Variants in TMEM132C observed in about 807,000 individuals in gnomAD.
TMEM132C encodes the protein protein phosphatase 1, regulatory subunit 152.
A neutral mutation model predicts 61.4 loss-of-function variants in TMEM132C; 29 were observed. The ratio of observed to expected loss-of-function variants is 0.47; its 90% CI spans 0.35 to 0.64. The LOEUF is 0.64. Ranked by LOEUF, TMEM132C falls within the 30% of genes least tolerant of loss-of-function variation. The probability of loss-of-function intolerance (pLI) is 0.00; values close to 1 mark genes in which losing one functional copy is unlikely to be tolerated. For synonymous variants in TMEM132C, 656 were observed against 633.1 expected, an observed-to-expected ratio of 1.04 and a Z score of -0.54; for missense variants, 1,408 against 1,476.9, an observed-to-expected ratio of 0.95 and a Z score of 0.76.
intron 3 of TMEM132C, among the ~76,000 whole-genome samples, chr12:128,583,471 T>C (rs571688188): frequency 1.3e-5 from 2 of 152,198 alleles, no homozygotes; most frequent in African/African-American, 4.8e-5. Context: ...GGAAAAGAGT[T>C]CTCCGCCTAC....
chr12:128,375,369 G>C (rs1181473620), intron 1 of TMEM132C, among the ~76,000 whole-genome samples: 1 of 152,130 alleles, frequency 6.6e-6, no homozygotes, highest in Non-Finnish European at 1.5e-5. Flanking sequence ...CTGAAATCCA[G>C]GTGTTGGCAG....
intron 3 of TMEM132C, among the ~76,000 whole-genome samples, chr12:128,602,556 C>G (rs966894016): frequency 6.6e-6 from 1 of 152,212 alleles, no homozygotes; most frequent in Non-Finnish European, 1.5e-5. Flanking sequence ...CAGGGGTGTA[C>G]GATTCCATCG....
chr12:128,559,262 G>A (rs1384361486), intron 3 of TMEM132C, among the ~76,000 whole-genome samples: 1 of 151,858 alleles, frequency 6.6e-6, no homozygotes, highest in African/African-American at 2.4e-5. Flanking sequence ...TTTTTTCCAT[G>A]TTAGTACATA....
chr12:128,353,394 C>T (rs1372689705), intron 1 of TMEM132C, among the ~76,000 whole-genome samples: 1 of 152,146 alleles, frequency 6.6e-6, no homozygotes, highest in Admixed American at 6.5e-5. Flanking sequence ...GGTGCTAACG[C>T]TGCGATCTGA....
chr12:128,405,407 T>C (rs1875307312), intron 1 of TMEM132C, among the ~76,000 whole-genome samples: 1 of 152,204 alleles, frequency 6.6e-6, no homozygotes, highest in African/African-American at 2.4e-5. Flanking sequence ...TGGGCACCTC[T>C]GTGGTTGGCT....
intron 1 of TMEM132C, among the ~76,000 whole-genome samples, chr12:128,307,267 G>T (rs1378625329): frequency 6.6e-6 from 1 of 152,174 alleles, no homozygotes; most frequent in African/African-American, 2.4e-5. Flanking sequence ...TGTCCCCAAA[G>T]TGGGGTGTTA....
chr12:128,520,171 A>G (rs993923700), intron 2 of TMEM132C, among the ~76,000 whole-genome samples: 4 of 152,190 alleles, frequency 2.6e-5, no homozygotes, highest in Admixed American at 1.3e-4. Context: ...TGCTCTCAGA[A>G]GCACAGATGT....
At position 128,488,526 on chromosome 12, in the gene TMEM132C, T is replaced by C. The variant is rs570861728; in HGVS notation, c.975-55431T>C. The stretch of plus-strand genomic sequence containing the variant: ...AAATACAGAAATTAGCCGGACATGG[T>C]GGTGCATGTCTGTAATCCCAGCTAC... On this transcript the variant is annotated intron_variant, in intron 2 of 8. Coordinates refer to ENST00000435159, the MANE Select transcript of TMEM132C (RefSeq NM_001136103.3). Among the ~76,000 whole-genome samples, 24 of 152,048 alleles carry C rather than the reference T, an allele frequency of 1.6e-4. No homozygotes were observed. The South Asian group carries it at 5.0e-3, about 32-fold the overall frequency.
intron 3 of TMEM132C, among the ~76,000 whole-genome samples, chr12:128,590,945 T>C (rs1297471327): frequency 6.6e-6 from 1 of 151,962 alleles, no homozygotes; most frequent in Non-Finnish European, 1.5e-5. Flanking sequence ...CCCAGCTAGT[T>C]TTTATAATTT....
intron 2 of TMEM132C, among the ~76,000 whole-genome samples, chr12:128,502,784 G>A (rs1383082001): frequency 3.9e-5 from 6 of 152,186 alleles, no homozygotes; most frequent in African/African-American, 4.8e-5. Context: ...GACTCTAATG[G>A]CCCCAATGGA....
chr12:128,356,870 A>C (rs1285425511), intron 1 of TMEM132C, among the ~76,000 whole-genome samples: 1 of 152,218 alleles, frequency 6.6e-6, no homozygotes, highest in East Asian at 1.9e-4. Context: ...TTCCCACTAA[A>C]AATGTGCTTA....
At chr12:128,547,030 G>A (rs1325010652) in intron 3 of TMEM132C, among the ~76,000 whole-genome samples, 12 of 152,144 alleles carry the variant, frequency 7.9e-5, no homozygotes, top group Non-Finnish European at 4.4e-5. Flanking sequence ...TTCCCAGGGC[G>A]GGGAATGGCG....
chr12:128,312,984 C>T (rs1872027155), intron 1 of TMEM132C, among the ~76,000 whole-genome samples: 1 of 152,210 alleles, frequency 6.6e-6, no homozygotes, highest in East Asian at 1.9e-4. Flanking sequence ...CAAGCCCATT[C>T]CTCAGCCTGC....
chr12:128,456,206 G>T (rs1938808655), intron 2 of TMEM132C, among the ~76,000 whole-genome samples: 1 of 151,990 alleles, frequency 6.6e-6, no homozygotes, highest in Admixed American at 6.6e-5. Flanking sequence ...ACAGAATCTT[G>T]ACAGCAGACA....
chr12:128,471,860 A>T (rs1364070240), intron 2 of TMEM132C, among the ~76,000 whole-genome samples: 1 of 152,232 alleles, frequency 6.6e-6, no homozygotes, highest in African/African-American at 2.4e-5. Context: ...GTTGAATAAC[A>T]TAAATAAAAT....
intron 1 of TMEM132C, among the ~76,000 whole-genome samples, chr12:128,406,229 A>G (rs1204645853): frequency 6.6e-6 from 1 of 152,122 alleles, no homozygotes; most frequent in Non-Finnish European, 1.5e-5. Flanking sequence ...CCCTCATTGT[A>G]CACCTTACTG....
intron 2 of TMEM132C, among the ~76,000 whole-genome samples, chr12:128,509,363 C>T (rs1345427613): frequency 1.3e-5 from 2 of 152,080 alleles, no homozygotes; most frequent in African/African-American, 4.8e-5. Context: ...GCAGGGGTCA[C>T]ATTCTTTGGA....
intron 5 of TMEM132C, among the ~76,000 whole-genome samples, chr12:128,685,674 C>T (rs61499111): frequency 0.095 from 14,398 of 152,216 alleles, 1,126 homozygotes; most frequent in African/African-American, 0.21. Flanking sequence ...TAGACCCTGT[C>T]CATGATGGAG....
chr12:128,327,366 G>C (rs1289554296), intron 1 of TMEM132C, among the ~76,000 whole-genome samples: 1 of 104,258 alleles, frequency 9.6e-6, no homozygotes, highest in African/African-American at 6.3e-5. Flanking sequence ...AGCTTGGTTT[G>C]TTTGTTTGTT....
Sources: gnomAD v4.1 joint callset for allele counts (sites outside exome capture counted in the v4.1 genomes callset) on GRCh38, gnomAD v4.1.1 for gene constraint, MANE v1.5 for transcripts, NCBI Gene and HGNC (gene_info 2026-07-23, HGNC 2026-07-21) for gene names.